Variants in ENO4 observed in about 807,000 individuals in gnomAD.
ENO4 encodes the protein enolase 4.
Under a neutral mutation model 63.2 loss-of-function variants are expected in ENO4, and 53 were observed. The ratio of observed to expected loss-of-function variants is 0.84; its 90% CI spans 0.67 to 1.05. ENO4 has a LOEUF of 1.05. Among genes scored for constraint, ENO4 ranks in the 50% least tolerant of loss-of-function variants. The probability of loss-of-function intolerance (pLI) is 0.00; values close to 1 mark genes in which losing one functional copy is unlikely to be tolerated. For synonymous variants in ENO4, 266 were observed against 283.8 expected (o/e 0.94, Z 0.63); for missense variants, 719 against 772.0 (o/e 0.93, Z 0.81).
At chr10:116,898,564 C>T (rs915442547) in intron 10 of ENO4, among the ~76,000 whole-genome samples, 13 of 152,112 alleles carry the variant, frequency 8.5e-5, no homozygotes, top group Middle Eastern at 3.4e-3. Flanking sequence ...TATAACCAAT[C>T]GGAATTCATA....
chr10:116,895,104 G>A (rs763830722), intron 10 of ENO4, among the ~76,000 whole-genome samples: 1 of 152,076 alleles, frequency 6.6e-6, no homozygotes, highest in Non-Finnish European at 1.5e-5. Context: ...AAATGTATTT[G>A]GTGCTTTAGA....
At chr10:116,903,451 G>A (rs1468535997) in intron 10 of ENO4, among the ~76,000 whole-genome samples, 1 of 152,028 alleles carries the variant, frequency 6.6e-6, no homozygotes, top group South Asian at 2.1e-4. Context: ...CTTGAACTCA[G>A]GAGACAGAGG....
At chr10:116,873,308 G>A (rs550082241) in intron 9 of ENO4, among the ~76,000 whole-genome samples, 19 of 152,258 alleles carry the variant, frequency 1.2e-4, no homozygotes, top group Admixed American at 7.2e-4. Flanking sequence ...GAAGGCATTA[G>A]CAAACCAAAC....
At chr10:116,886,913 C>T (rs1299782282), downstream of ENO4, among the ~76,000 whole-genome samples, 1 of 152,324 alleles carries the variant, frequency 6.6e-6, no homozygotes, top group South Asian at 2.1e-4. Flanking sequence ...TGCCCAGACC[C>T]CCACCCGCCC....
At chr10:116,900,594 C>T (rs1847696278) in intron 10 of ENO4, 1 of 1,530,602 alleles carries the variant, frequency 6.5e-7, no homozygotes, top group Non-Finnish European at 8.7e-7. Context: ...AAGCATTTAT[C>T]AGAAACTAAC....
At chr10:116,890,407 A>G (rs1847303234) in intron 10 of ENO4, among the ~76,000 whole-genome samples, 1 of 152,216 alleles carries the variant, frequency 6.6e-6, no homozygotes, top group Non-Finnish European at 1.5e-5. Context: ...TGTCCAAGGA[A>G]CAGTGAGGTT....
At chr10:116,895,578 G>A (rs902625174) in intron 10 of ENO4, among the ~76,000 whole-genome samples, 3 of 152,184 alleles carry the variant, frequency 2.0e-5, no homozygotes, top group African/African-American at 7.2e-5. Context: ...CTACCTATGA[G>A]TATGCAGGGT....
chr10:116,884,483 C>T, downstream of ENO4: 1 of 335,872 alleles, frequency 3.0e-6, no homozygotes, highest in South Asian at 2.3e-5. Flanking sequence ...ACACATTTCA[C>T]CCAAAGGGCA....
chr10:116,849,771 T>G (rs1846006158), intron 1 of ENO4, 40 bp downstream of exon 1: 1 of 1,461,244 alleles, frequency 6.8e-7, no homozygotes, highest in African/African-American at 1.4e-5. Flanking sequence ...CGCCAACCCC[T>G]CTCCCCCCGC....
chr10:116,908,040 C>A (rs1848043779), intron 10 of ENO4: 8 of 444,530 alleles, frequency 1.8e-5, no homozygotes, highest in South Asian at 1.3e-4. Context: ...CAGATGGTTA[C>A]AAATCTCATA....
At chr10:116,885,459 A>C (rs997752884), downstream of ENO4, 12 of 152,732 alleles carry the variant, frequency 7.9e-5, no homozygotes, top group African/African-American at 2.9e-4. Context: ...TTTAAAAAAA[A>C]CAACAACAAA....
In ENO4 at chr10:116,865,954, A is replaced by G. The variant is rs1022009402; in HGVS notation, c.991-2696A>G. Among the ~76,000 whole-genome samples, 7 of 152,278 alleles carry G rather than the reference A, an allele frequency of 4.6e-5. No individual in the cohort carries two copies. The Middle Eastern group carries it at 0.01, about 222-fold the overall frequency. ...GTGCTTTAATACTTTAACTCATTCA[A>G]TCTGCATAACTGTATAGGTAGGTAC... On this transcript the variant is annotated intron_variant, in intron 7 of 13. Transcript: ENST00000341276.
Position 116,850,001 on chromosome 10 carries a change from G to A in ENO4, c.165+270G>A. 7 of 627,980 alleles carry A rather than the reference G, an allele frequency of 1.1e-5. 1 individual carries two copies. The highest frequency in any genetic ancestry group is 5.1e-4 in the Middle Eastern group (2 of 3,952). 38.9% of individuals were successfully genotyped at this position (627,980 alleles called of 1,614,324 possible). A position where few individuals can be genotyped will look rare whatever the true frequency, so the allele number is the denominator to read the frequency against. ...TTTGACCTGCAGCGGCAGCCCAGGGGCTGGCAGGCTTCCTCGCTGCCTAAG... is the reference window on the plus strand; with the variant it reads ...TTTGACCTGCAGCGGCAGCCCAGGGACTGGCAGGCTTCCTCGCTGCCTAAG... On this transcript the variant is annotated intron_variant, in intron 1 of 13. Transcript: ENST00000341276.
chr10:116,899,549 GA>G (rs1847654549), intron 10 of ENO4, among the ~76,000 whole-genome samples: 1 of 32,980 alleles, frequency 3.0e-5, no homozygotes, highest in African/African-American at 4.7e-5. Context: ...GTGTGTGTGA[GA>G]GAGTGCATGC....
rs1847043043 is a variant in ENO4, at chr10:116,882,361, T to C, written c.*692T>C. The stretch of plus-strand genomic sequence containing the variant: ...CTCAAGGTTATTAAATGCCCAGTTA[T>C]TCATACCACAGCATTTAAAAAGCAA... On this transcript the variant is annotated 3_prime_UTR_variant, in exon 14 of 14. Transcript: ENST00000341276. 6.7e-6 allele frequency: 1 copy of C among 150,186 alleles called. No individual in the cohort carries two copies. Among genetic ancestry groups the C allele is most frequent in the Non-Finnish European group, 1.5e-5 (1 of 67,860 alleles). The allele number at this position is 150,186 out of a possible 1,614,324, so 9.3% of individuals were successfully genotyped here. A position where few individuals can be genotyped will look rare whatever the true frequency, so the allele number is the denominator to read the frequency against.
downstream of ENO4, among the ~76,000 whole-genome samples, chr10:116,887,497 C>T (rs565134490): frequency 6.6e-6 from 1 of 152,146 alleles, no homozygotes; most frequent in East Asian, 1.9e-4. Context: ...CCCGGCACAC[C>T]ACCATCCCAC....
chr10:116,872,209 CA>C (rs760043144), intron 9 of ENO4, among the ~76,000 whole-genome samples: 1 of 152,144 alleles, frequency 6.6e-6, no homozygotes, highest in Non-Finnish European at 1.5e-5. Context: ...AAACAAAAAA[CA>C]AGCAACATTC....
At chr10:116,904,869 GAC>G (rs1285532606) in intron 10 of ENO4, among the ~76,000 whole-genome samples, 1 of 152,168 alleles carries the variant, frequency 6.6e-6, no homozygotes, top group Non-Finnish European at 1.5e-5. Flanking sequence ...AAATGTGAAC[GAC>G]AGAGCACTAA....
At chr10:116,869,313 C>A (rs1476678305) in intron 8 of ENO4, among the ~76,000 whole-genome samples, 1 of 152,168 alleles carries the variant, frequency 6.6e-6, no homozygotes, top group Non-Finnish European at 1.5e-5. Flanking sequence ...ATAGCCTAAA[C>A]TTTCAACAAT....
Sources: allele counts gnomAD v4.1 joint callset (sites outside exome capture counted in the v4.1 genomes callset), GRCh38; gene constraint gnomAD v4.1.1; transcripts MANE v1.5; gene names NCBI Gene and HGNC (gene_info 2026-07-23, HGNC 2026-07-21).